The following NEO1 variants were observed in gnomAD, a reference collection of about 807,000 sequenced individuals.
NEO1 encodes neogenin.
NEO1 carries 63 observed loss-of-function variants against 159.7 expected under a neutral mutation model. The ratio of observed to expected loss-of-function variants is 0.39; its 90% CI spans 0.32 to 0.49. The LOEUF is 0.49. Ranked by LOEUF, NEO1 falls within the 20% of genes least tolerant of loss-of-function variation. The pLI is 0.85. For synonymous variants in NEO1, 633 were observed against 662.0 expected (o/e 0.96, Z 0.67); for missense variants, 1,615 against 1,831.0 (o/e 0.88, Z 2.15).
chr15:73,119,094 G>C (rs1044294024), intron 2 of NEO1, among the ~76,000 whole-genome samples: 6 of 152,150 alleles, frequency 3.9e-5, no homozygotes, highest in Non-Finnish European at 8.8e-5. Context: ...AGTTCCACTT[G>C]TAGGTGTCCT....
intron 5 of NEO1, among the ~76,000 whole-genome samples, chr15:73,166,727 G>T (rs978442189): frequency 6.6e-6 from 1 of 152,140 alleles, no homozygotes; most frequent in African/African-American, 2.4e-5. Context: ...AAGAATATTA[G>T]TTCTGGCTCA....
chr15:73,052,298 C>A (rs950031351), upstream of NEO1, among the ~76,000 whole-genome samples: 5 of 26,338 alleles, frequency 1.9e-4, no homozygotes, highest in African/African-American at 4.4e-4. Flanking sequence ...GGACTCCCGC[C>A]CCCCGCCCCC....
In NEO1 at chr15:73,116,818, G is replaced by A. The variant is rs1473018614; in HGVS notation, c.409G>A (p.Gly137Arg). Residue 137 changes from glycine (G) to arginine (R), a missense_variant, in exon 2 of 29, where the codon GGA becomes AGA. By Grantham distance (125) the Gly-to-Arg change is moderately radical (BLOSUM62 -2). This residue lies in a region of NEO1 where 1,018 missense variants were observed against 1,115.4 expected (regional missense o/e 0.91). Coordinates refer to ENST00000261908, the MANE Select transcript of NEO1 (RefSeq NM_002499.4). ...GTGTGTGGCCACTGTTGAGAGTCTT[G>A]GAACTATTATCAGTAGAACAGCGAA... ...YQCVATVESLGTIISRTAKLI... is the reference protein window; with the variant it reads ...YQCVATVESLRTIISRTAKLI... The A allele has an allele frequency of 1.2e-6, 2 of 1,603,374 alleles. No homozygotes were observed. Among genetic ancestry groups the A allele is most frequent in the Non-Finnish European group, 1.7e-6 (2 of 1,176,078 alleles).
chr15:73,084,746 C>G (rs1284108220), intron 1 of NEO1, among the ~76,000 whole-genome samples: 1 of 151,946 alleles, frequency 6.6e-6, no homozygotes, highest in Non-Finnish European at 1.5e-5. Context: ...AATGGCTATA[C>G]TGTCCATTTA....
chr15:73,131,656 T>C (rs1249577324), intron 4 of NEO1, among the ~76,000 whole-genome samples: 2 of 152,210 alleles, frequency 1.3e-5, no homozygotes, highest in Non-Finnish European at 2.9e-5. Flanking sequence ...CAAATACACC[T>C]TCACACTCCT....
At position 73,279,351 on chromosome 15, in the gene NEO1, G is replaced by GTTTTT. The variant is rs869029902; in HGVS notation, c.3262+1163_3262+1167dup. On this transcript the variant is annotated intron_variant, in intron 22 of 28. Coordinates refer to ENST00000261908, the MANE Select transcript of NEO1 (RefSeq NM_002499.4). ...ATGTTTTTTTGTTGTTTTGGTTTTG[G>GTTTTT]TTTTTTTTTTTTTTTGAGATGGAAT... 5.2e-4 allele frequency among the ~76,000 whole-genome samples: 62 copies of GTTTTT among 119,324 alleles called. 1 individual carries two copies. The highest frequency in any genetic ancestry group is 4.7e-3 in the Middle Eastern group (1 of 214). The allele number at this position is 119,324 out of a possible 152,430, so 78.3% of individuals were successfully genotyped here. A position where few individuals can be genotyped will look rare whatever the true frequency, so the allele number is the denominator to read the frequency against.
chr15:73,175,837 A>G (rs1184824371), intron 5 of NEO1, among the ~76,000 whole-genome samples: 22 of 152,204 alleles, frequency 1.4e-4, no homozygotes, highest in Admixed American at 1.4e-3. Flanking sequence ...AGCTACTGGA[A>G]TATTCAGACT....
chr15:73,205,375 TC>T (rs1269997500), intron 7 of NEO1, among the ~76,000 whole-genome samples: 1 of 152,194 alleles, frequency 6.6e-6, no homozygotes, highest in Non-Finnish European at 1.5e-5. Flanking sequence ...ACAAGGAATT[TC>T]TTTCCTCTAG....
intron 5 of NEO1, among the ~76,000 whole-genome samples, chr15:73,155,817 T>C (rs536870612): frequency 2.6e-5 from 4 of 152,362 alleles, no homozygotes; most frequent in East Asian, 1.9e-4. Context: ...TTTGAAGATA[T>C]CTATCTCGAT....
chr15:73,125,576 A>G lies in NEO1; in HGVS notation c.725-841A>G, dbSNP rs370864137. Among the ~76,000 whole-genome samples, 17 of 152,338 alleles carry G rather than the reference A, an allele frequency of 1.1e-4. No individual in the cohort carries two copies. The East Asian group carries it at 2.7e-3, about 24-fold the overall frequency. On this transcript the variant is annotated intron_variant, in intron 3 of 28. Transcript: ENST00000261908. Reference sequence around the variant, plus strand: ...CATCTTTTCCAAAGCATATGGGCACAAGAGTCACATCTCTTCTGCCTGAGA... The same window carrying G: ...CATCTTTTCCAAAGCATATGGGCACGAGAGTCACATCTCTTCTGCCTGAGA...
chr15:73,096,662 C>T (rs927244271), intron 1 of NEO1, among the ~76,000 whole-genome samples: 2 of 152,144 alleles, frequency 1.3e-5, no homozygotes, highest in Admixed American at 6.5e-5. Flanking sequence ...GAGTCCTTCT[C>T]CCCCAGGGCA....
chr15:73,162,118 C>T lies in NEO1; in HGVS notation c.1016-14285C>T. The T allele has an allele frequency of 1.4e-5, 3 of 221,720 alleles. No homozygotes were observed. In the South Asian group the frequency reaches 2.4e-4, roughly 18 times the overall value. 13.7% of individuals were successfully genotyped at this position (221,720 alleles called of 1,614,324 possible). On this transcript the variant is annotated intron_variant, in intron 5 of 28. Coordinates refer to ENST00000261908, the MANE Select transcript of NEO1 (RefSeq NM_002499.4). ...CTTATTCTTGTCTCCTCTTCCTCTC[C>T]ACAACCCGGGTAACCTTGCTACCAC...
intron 5 of NEO1, among the ~76,000 whole-genome samples, chr15:73,140,720 G>A (rs1234382742): frequency 6.6e-6 from 1 of 152,104 alleles, no homozygotes; most frequent in Non-Finnish European, 1.5e-5. Context: ...TACAAATGTA[G>A]AGTAGTCTTC....
chr15:73,159,780 T>G (rs2034038911), intron 5 of NEO1, among the ~76,000 whole-genome samples: 1 of 152,226 alleles, frequency 6.6e-6, no homozygotes, highest in South Asian at 2.1e-4. Flanking sequence ...TTCTGATAGA[T>G]GAATCTCTTG....
intron 26 of NEO1, among the ~76,000 whole-genome samples, chr15:73,296,897 T>G (rs530458978): frequency 6.6e-6 from 1 of 152,372 alleles, no homozygotes; most frequent in Non-Finnish European, 1.5e-5. Flanking sequence ...TATTTATTTC[T>G]GGAATTTTTC....
intron 5 of NEO1, among the ~76,000 whole-genome samples, chr15:73,140,716 T>C (rs2032299696): frequency 6.6e-6 from 1 of 152,166 alleles, no homozygotes; most frequent in Non-Finnish European, 1.5e-5. Context: ...AAAATACAAA[T>C]GTAGAGTAGT....
upstream of NEO1, among the ~76,000 whole-genome samples, chr15:73,052,206 A>C (rs1167428527): frequency 1.4e-5 from 2 of 145,830 alleles, no homozygotes; most frequent in African/African-American, 5.0e-5. Context: ...GAGAGGCGGC[A>C]GCCGGGATTG....
At chr15:73,254,538 T>A (rs2040242813) in intron 12 of NEO1, 144 bp from the exon 13 acceptor site, 2 of 751,738 alleles carry the variant, frequency 2.7e-6, no homozygotes, top group East Asian at 5.7e-5. Flanking sequence ...TTTGAGTGAT[T>A]ATTAAATAAC....
At chr15:73,099,663 ATTTG>A (rs1395503573) in intron 1 of NEO1, among the ~76,000 whole-genome samples, 2 of 152,306 alleles carry the variant, frequency 1.3e-5, no homozygotes, top group East Asian at 3.9e-4. Context: ...TTCATGTGCT[ATTTG>A]TTTTCTGTGT....
Sources: allele counts gnomAD v4.1 joint callset (sites outside exome capture counted in the v4.1 genomes callset), GRCh38; gene constraint gnomAD v4.1.1; regional missense constraint gnomAD v4.1.1; transcripts MANE v1.5; gene names NCBI Gene and HGNC (gene_info 2026-07-23, HGNC 2026-07-21).